Variants in RPS6KA5 observed in about 807,000 individuals in gnomAD.
The protein encoded by RPS6KA5 is ribosomal protein S6 kinase alpha-5.
RPS6KA5 carries 27 observed loss-of-function variants against 85.5 expected under a neutral mutation model. That is an observed-to-expected ratio of 0.32 (90% confidence interval 0.23 to 0.44). The LOEUF is 0.44. Among genes scored for constraint, RPS6KA5 ranks in the 20% least tolerant of loss-of-function variants. RPS6KA5 has a pLI of 1.00. For synonymous variants in RPS6KA5, 334 were observed against 348.2 expected, an observed-to-expected ratio of 0.96 and a Z score of 0.46; for missense variants, 811 against 980.9, an observed-to-expected ratio of 0.83 and a Z score of 2.31.
chr14:91,042,292 C>T (rs1227339256), intron 1 of RPS6KA5, among the ~76,000 whole-genome samples: 2 of 152,024 alleles, frequency 1.3e-5, no homozygotes, highest in South Asian at 2.1e-4. Flanking sequence ...GGGTGGATCA[C>T]GAGGTCAGGA....
At chr14:91,010,534 G>C (rs573273453) in intron 1 of RPS6KA5, among the ~76,000 whole-genome samples, 2 of 152,264 alleles carry the variant, frequency 1.3e-5, no homozygotes, top group South Asian at 4.1e-4. Context: ...ATGTCAAAAT[G>C]GGCATCTAAC....
Position 90,850,756 on chromosome 14 carries a change from A to G in RPS6KA5, c.*21318T>C, listed in dbSNP as rs2031962163. ...GTGAGCTCTAAGGCTCCTAAACTCT[A>G]AGATTCTCGTATGTGCTGAAAACAC... is the stretch of plus-strand genomic sequence containing the variant. On this transcript the variant is annotated 3_prime_UTR_variant, in exon 17 of 17. Coordinates refer to ENST00000614987, the MANE Select transcript of RPS6KA5 (RefSeq NM_004755.4). 1 of 152,216 alleles carries G rather than the reference A, an allele frequency of 6.6e-6. No homozygotes were observed. Among genetic ancestry groups the G allele is most frequent in the Non-Finnish European group, 1.5e-5 (1 of 68,032 alleles). 9.4% of individuals were successfully genotyped at this position (152,216 alleles called of 1,614,324 possible).
chr14:90,924,638 T>A (rs1469702009), intron 5 of RPS6KA5, among the ~76,000 whole-genome samples: 1 of 152,298 alleles, frequency 6.6e-6, no homozygotes. Flanking sequence ...TTAAAAAAAA[T>A]GTGAATGAAA....
chr14:90,923,056 G>T, intron 6 of RPS6KA5, 57 bp downstream of exon 6: 6 of 1,291,854 alleles, frequency 4.6e-6, no homozygotes, highest in Non-Finnish European at 6.7e-6. Flanking sequence ...TGTTAACTAG[G>T]ATTCTTATAG....
At chr14:90,887,659 A>C (rs1443625305) in intron 14 of RPS6KA5, among the ~76,000 whole-genome samples, 2 of 152,096 alleles carry the variant, frequency 1.3e-5, no homozygotes, top group Non-Finnish European at 2.9e-5. Flanking sequence ...GAATTTAATA[A>C]ATAGAATTTA....
chr14:90,860,792 T>A lies in RPS6KA5; in HGVS notation c.*11282A>T, dbSNP rs1465035090. On this transcript the variant is annotated 3_prime_UTR_variant, in exon 17 of 17. Transcript: ENST00000614987. ...TAAATACTAAAGAGAATTCTCCAGATGAAGAAAAGTAATCCCAGATGGAAG... is the reference window on the plus strand; with the variant it reads ...TAAATACTAAAGAGAATTCTCCAGAAGAAGAAAAGTAATCCCAGATGGAAG... The A allele has an allele frequency of 6.6e-6, 1 of 151,070 alleles. No individual in the cohort carries two copies. Among genetic ancestry groups the A allele is most frequent in the Non-Finnish European group, 1.5e-5 (1 of 67,856 alleles). The allele number at this position is 151,070 out of a possible 1,614,324, so 9.4% of individuals were successfully genotyped here.
Position 90,906,130 on chromosome 14 carries a change from A to C in RPS6KA5, c.957+19T>G. The C allele has an allele frequency of 6.3e-7, 1 of 1,580,620 alleles. No individual in the cohort carries two copies. The highest frequency in any genetic ancestry group is 1.3e-5 in the African/African-American group (1 of 74,450). ...AACGGCAAGGAGTATGAAACCATTT[A>C]TCTATTCAATAATTTCACCTGAAAG... is the stretch of plus-strand genomic sequence containing the variant. On this transcript the variant is annotated intron_variant, in intron 8 of 16. Coordinates refer to ENST00000614987, the MANE Select transcript of RPS6KA5 (RefSeq NM_004755.4).
At chr14:90,896,897 T>C (rs774112789) in intron 12 of RPS6KA5, among the ~76,000 whole-genome samples, 1 of 151,972 alleles carries the variant, frequency 6.6e-6, no homozygotes, top group Non-Finnish European at 1.5e-5. Flanking sequence ...ATTTTTTGTA[T>C]TTTTTGGTAG....
At chr14:91,053,187 C>A (rs1027154894) in intron 1 of RPS6KA5, among the ~76,000 whole-genome samples, 1 of 152,114 alleles carries the variant, frequency 6.6e-6, no homozygotes, top group Non-Finnish European at 1.5e-5. Flanking sequence ...AACACCCAAA[C>A]TAGGAGGAGA....
intron 1 of RPS6KA5, among the ~76,000 whole-genome samples, chr14:91,028,708 T>C (rs1221914569): frequency 6.6e-6 from 1 of 151,482 alleles, no homozygotes; most frequent in African/African-American, 2.4e-5. Flanking sequence ...TTAGTAGAGA[T>C]AGGGTTTCAT....
chr14:90,930,830 TGAG>T (rs1201463806), intron 5 of RPS6KA5, among the ~76,000 whole-genome samples: 1 of 152,152 alleles, frequency 6.6e-6, no homozygotes, highest in Non-Finnish European at 1.5e-5. Context: ...AGAATTACAA[TGAG>T]ATTTCACCTT....
Position 90,938,320 on chromosome 14 carries a change from C to G in RPS6KA5, c.618+4758G>C, listed in dbSNP as rs2037388206. Among the ~76,000 whole-genome samples, 3 of 152,252 alleles carry G rather than the reference C, an allele frequency of 2.0e-5. No homozygotes were observed. The South Asian group carries it at 6.2e-4, about 32-fold the overall frequency. On this transcript the variant is annotated intron_variant, in intron 5 of 16. Transcript: ENST00000614987. Reference sequence around the variant, plus strand: ...TGTGGCTTTGCAGGGTACAGTCCCCCTCCTGGCTGCTTTCACAGACTGGTG... The same window carrying G: ...TGTGGCTTTGCAGGGTACAGTCCCCGTCCTGGCTGCTTTCACAGACTGGTG...
At chr14:90,962,969 G>A (rs929311733) in intron 3 of RPS6KA5, among the ~76,000 whole-genome samples, 11 of 152,226 alleles carry the variant, frequency 7.2e-5, no homozygotes, top group Middle Eastern at 3.4e-3. Context: ...CATTAACCAC[G>A]ATAAAAATAC....
chr14:90,899,238 T>G (rs11850256), intron 12 of RPS6KA5, 91 bp downstream of exon 12: 72,136 of 869,518 alleles, frequency 0.083, 4,186 homozygotes, highest in East Asian at 0.24. Context: ...TCCCTGACTC[T>G]GACCCAGCAG....
intron 4 of RPS6KA5, among the ~76,000 whole-genome samples, chr14:90,945,681 C>T (rs550836807): frequency 1.1e-4 from 17 of 152,324 alleles, no homozygotes; most frequent in African/African-American, 4.1e-4. Context: ...GTTTTATTTA[C>T]TTCTGTGTTT....
rs1241473903 is a variant in RPS6KA5 at position 91,044,353 on chromosome 14, A to T, written c.103+15979T>A. 1.1e-4 allele frequency among the ~76,000 whole-genome samples: 3 copies of T among 26,156 alleles called. 1 individual carries two copies. Among genetic ancestry groups the T allele is most frequent in the Non-Finnish European group, 2.8e-4 (3 of 10,624 alleles). The allele number at this position is 26,156 out of a possible 152,430, so 17.2% of individuals were successfully genotyped here. A position where few individuals can be genotyped will look rare whatever the true frequency, so the allele number is the denominator to read the frequency against. On this transcript the variant is annotated intron_variant, in intron 1 of 16. Transcript: ENST00000614987. Reference sequence around the variant, plus strand: ...AGAAAGATAGACAAAGAAAGAAAGAAAGAAAGAAAGAGAAAGAAAGAAGGA... The same window carrying T: ...AGAAAGATAGACAAAGAAAGAAAGATAGAAAGAAAGAGAAAGAAAGAAGGA...
intron 7 of RPS6KA5, among the ~76,000 whole-genome samples, chr14:90,907,695 A>C (rs1289442347): frequency 6.6e-6 from 1 of 152,202 alleles, no homozygotes; most frequent in African/African-American, 2.4e-5. Context: ...ATGTTGGTAA[A>C]ACAAGGAAAG....
intron 8 of RPS6KA5, among the ~76,000 whole-genome samples, chr14:90,904,407 A>G (rs1252642369): frequency 6.6e-6 from 1 of 152,204 alleles, no homozygotes; most frequent in African/African-American, 2.4e-5. Flanking sequence ...CATTTAGTTC[A>G]TCTCCTTTAT....
chr14:90,997,653 T>C (rs113634362), intron 2 of RPS6KA5, among the ~76,000 whole-genome samples: 8 of 152,108 alleles, frequency 5.3e-5, no homozygotes, highest in African/African-American at 1.9e-4. Flanking sequence ...CAAATGCCCA[T>C]CTCCTGATGA....
Sources: gnomAD v4.1 joint callset for allele counts (sites outside exome capture counted in the v4.1 genomes callset) on GRCh38, gnomAD v4.1.1 for gene constraint, MANE v1.5 for transcripts, NCBI Gene and HGNC (gene_info 2026-07-23, HGNC 2026-07-21) for gene names.